PRKCE: variants seen among roughly 807,000 people sequenced by gnomAD.
PRKCE encodes protein kinase C epsilon, also known as protein kinase C epsilon type.
Under a neutral mutation model 85.4 loss-of-function variants are expected in PRKCE, and 16 were observed. That is an observed-to-expected ratio of 0.19 (90% CI 0.13 to 0.28). PRKCE has a LOEUF of 0.28. PRKCE is among the 10% of genes least tolerant of loss of function. The pLI is 1.00. For missense variants in PRKCE, 573 were observed against 975.2 expected, an observed-to-expected ratio of 0.59 and a Z score of 5.49; for synonymous variants, 388 against 371.5, an observed-to-expected ratio of 1.04 and a Z score of -0.51.
intron 2 of PRKCE, among the ~76,000 whole-genome samples, chr2:45,954,099 A>T (rs922510714): frequency 5.9e-5 from 9 of 152,226 alleles, no homozygotes; most frequent in Non-Finnish European, 1.2e-4. Context: ...TCTTGGAATA[A>T]AACAAATCTC....
chr2:46,116,792 G>A (rs1672815960), intron 11 of PRKCE, among the ~76,000 whole-genome samples: 3 of 152,112 alleles, frequency 2.0e-5, no homozygotes, highest in Admixed American at 6.6e-5. Flanking sequence ...AATAGGAGGA[G>A]TAAAAGCATC....
intron 6 of PRKCE, among the ~76,000 whole-genome samples, chr2:45,988,691 G>A (rs547406531): frequency 1.5e-4 from 23 of 152,278 alleles, no homozygotes; most frequent in South Asian, 6.2e-4. Context: ...TGCCTGCTGC[G>A]TCTGAGTCTC....
chr2:45,979,051 T>C (rs1385376358), intron 4 of PRKCE, 41 bp downstream of exon 4: 1 of 1,587,348 alleles, frequency 6.3e-7, no homozygotes, highest in African/African-American at 1.3e-5. Context: ...AGGCCCGTGG[T>C]TAGATCCAGA....
At chr2:45,787,346 G>A (rs536617167) in intron 1 of PRKCE, among the ~76,000 whole-genome samples, 2 of 151,514 alleles carry the variant, frequency 1.3e-5, no homozygotes, top group Non-Finnish European at 2.9e-5. Flanking sequence ...GAGAGGGAGA[G>A]ACAGAGACAG....
chr2:45,754,060 C>T (rs1411662853), intron 1 of PRKCE, among the ~76,000 whole-genome samples: 1 of 152,136 alleles, frequency 6.6e-6, no homozygotes, highest in Non-Finnish European at 1.5e-5. Context: ...GCTACCTTTC[C>T]CTACAAAATT....
chr2:45,657,095 C>T (rs1675413916), intron 1 of PRKCE, among the ~76,000 whole-genome samples: 1 of 152,168 alleles, frequency 6.6e-6, no homozygotes, highest in African/African-American at 2.4e-5. Flanking sequence ...GGATTTTTCT[C>T]TATCATTGCT....
At chr2:45,838,864 G>A (rs560996063) in intron 1 of PRKCE, among the ~76,000 whole-genome samples, 12 of 152,306 alleles carry the variant, frequency 7.9e-5, no homozygotes, top group African/African-American at 2.6e-4. Flanking sequence ...CTTTGTTGAG[G>A]AAAGTTTGTT....
intron 2 of PRKCE, among the ~76,000 whole-genome samples, chr2:45,927,141 AGT>A (rs1321055339): frequency 1.3e-5 from 2 of 152,036 alleles, no homozygotes; most frequent in East Asian, 1.9e-4. Flanking sequence ...TGCATGCATG[AGT>A]GTGCACGGGA....
intron 10 of PRKCE, among the ~76,000 whole-genome samples, chr2:46,085,735 CG>C (rs1558437351): frequency 5.9e-4 from 60 of 100,940 alleles, no homozygotes; most frequent in Non-Finnish European, 8.7e-4. Flanking sequence ...CTGCAAAATC[CG>C]TTTTTTTTTT....
At chr2:46,060,529 A>G (rs575609468) in intron 10 of PRKCE, among the ~76,000 whole-genome samples, 2 of 152,244 alleles carry the variant, frequency 1.3e-5, no homozygotes, top group South Asian at 2.1e-4. Context: ...AAGACCAGAG[A>G]AGGAAAACAG....
intron 2 of PRKCE, among the ~76,000 whole-genome samples, chr2:45,878,914 T>C (rs1431204087): frequency 7.2e-5 from 11 of 152,232 alleles, no homozygotes; most frequent in African/African-American, 2.7e-4. Context: ...TCTGTGGATT[T>C]GCCTATTGTA....
chr2:46,071,562 C>T (rs1668085597), intron 10 of PRKCE, among the ~76,000 whole-genome samples: 1 of 152,158 alleles, frequency 6.6e-6, no homozygotes, highest in African/African-American at 2.4e-5. Flanking sequence ...CAAGTTTGGA[C>T]CCCTATACCA....
chr2:46,072,693 T>C (rs1449718156), intron 10 of PRKCE, among the ~76,000 whole-genome samples: 1 of 152,064 alleles, frequency 6.6e-6, no homozygotes, highest in Non-Finnish European at 1.5e-5. Context: ...CCCAGTATGG[T>C]GTTAGGCATT....
chr2:45,695,275 C>T (rs979305773), intron 1 of PRKCE, among the ~76,000 whole-genome samples: 3 of 152,010 alleles, frequency 2.0e-5, no homozygotes, highest in Non-Finnish European at 4.4e-5. Flanking sequence ...TTTCTCTGTT[C>T]CCGCGATGAT....
At chr2:45,866,533 T>G (rs1451790662) in intron 2 of PRKCE, among the ~76,000 whole-genome samples, 1 of 151,882 alleles carries the variant, frequency 6.6e-6, no homozygotes, top group East Asian at 1.9e-4. Context: ...GGTCTTGATC[T>G]CCAGACCTCG....
At chr2:46,020,557 G>T (rs1254681822) in intron 10 of PRKCE, among the ~76,000 whole-genome samples, 1 of 152,342 alleles carries the variant, frequency 6.6e-6, no homozygotes, top group Non-Finnish European at 1.5e-5. Flanking sequence ...GCAGATTCAA[G>T]ATTCTGGTAT....
intron 1 of PRKCE, among the ~76,000 whole-genome samples, chr2:45,683,332 G>A (rs901651802): frequency 6.6e-6 from 1 of 152,154 alleles, no homozygotes; most frequent in Non-Finnish European, 1.5e-5. Flanking sequence ...TTCCCCTCAA[G>A]CAGTCAGCCA....
intron 1 of PRKCE, among the ~76,000 whole-genome samples, chr2:45,684,222 G>A (rs1487078066): frequency 6.6e-6 from 1 of 152,180 alleles, no homozygotes; most frequent in Non-Finnish European, 1.5e-5. Flanking sequence ...TGAATATAAG[G>A]CAGTGGATTC....
rs553720423 is a variant in PRKCE at position 45,917,245 on chromosome 2, G to T, written c.413-59184G>T. On this transcript the variant is annotated intron_variant, in intron 2 of 14. Transcript: ENST00000306156. ...CTAGATACAGAGTGTCCACACAAAG[G>T]TTCTCCAAGTCGCCGCCAGAGTAGC... Among the ~76,000 whole-genome samples, 19 of 152,262 alleles carry T rather than the reference G, an allele frequency of 1.2e-4. 1 individual carries two copies. The South Asian group carries it at 3.9e-3, about 32-fold the overall frequency.
Sources: allele counts gnomAD v4.1 joint callset (sites outside exome capture counted in the v4.1 genomes callset), GRCh38; gene constraint gnomAD v4.1.1; transcripts MANE v1.5; gene names NCBI Gene and HGNC (gene_info 2026-07-23, HGNC 2026-07-21).